The following EBF2 variants were observed in gnomAD, a reference collection of about 807,000 sequenced individuals.
EBF2 encodes EBF transcription factor 2.
EBF2 carries 21 observed loss-of-function variants against 72.8 expected under a neutral mutation model. The ratio of observed to expected loss-of-function variants is 0.29; its 90% CI spans 0.20 to 0.42. The LOEUF is 0.42. EBF2 is among the 10% of genes least tolerant of loss of function. The pLI is 1.00. For synonymous variants in EBF2, 299 were observed against 274.2 expected, an observed-to-expected ratio of 1.09 and a Z score of -0.89; for missense variants, 637 against 731.2, an observed-to-expected ratio of 0.87 and a Z score of 1.49.
intron 6 of EBF2, among the ~76,000 whole-genome samples, chr8:25,954,324 C>T (rs1019563180): frequency 5.3e-5 from 8 of 152,164 alleles, no homozygotes; most frequent in African/African-American, 9.6e-5. Flanking sequence ...CTTCCTGCTG[C>T]TAAATGCACC....
intron 6 of EBF2, among the ~76,000 whole-genome samples, chr8:25,926,270 A>G (rs1219666447): frequency 6.6e-6 from 1 of 152,122 alleles, no homozygotes; most frequent in Non-Finnish European, 1.5e-5. Context: ...TCTGGCCCTG[A>G]ATCCAAGGCA....
At chr8:25,972,787 T>C (rs1804210928) in intron 6 of EBF2, among the ~76,000 whole-genome samples, 1 of 151,244 alleles carries the variant, frequency 6.6e-6, no homozygotes, top group African/African-American at 2.4e-5. Flanking sequence ...TCACAGGCAA[T>C]ATAAGCCGTA....
At chr8:25,935,056 C>T (rs562370149) in intron 6 of EBF2, among the ~76,000 whole-genome samples, 6 of 152,270 alleles carry the variant, frequency 3.9e-5, no homozygotes, top group Non-Finnish European at 7.4e-5. Context: ...AGGATCCCAA[C>T]GCGACAACTA....
At chr8:25,856,040 A>G (rs995908754) in intron 14 of EBF2, among the ~76,000 whole-genome samples, 2 of 152,216 alleles carry the variant, frequency 1.3e-5, no homozygotes, top group African/African-American at 4.8e-5. Flanking sequence ...AAAGAACAGT[A>G]GAAGGAAGTC....
chr8:26,027,396 C>G (rs368206851), intron 6 of EBF2, among the ~76,000 whole-genome samples: 1 of 151,758 alleles, frequency 6.6e-6, no homozygotes, highest in Non-Finnish European at 1.5e-5. Context: ...AAAGGTGAAA[C>G]CAGCAGATGA....
chr8:25,850,880 TAA>T (rs913523397), intron 14 of EBF2, 119 bp from the exon 15 acceptor site: 158 of 956,966 alleles, frequency 1.7e-4, no homozygotes, highest in Non-Finnish European at 1.8e-4. Context: ...TTGCAGGGAT[TAA>T]AAAAAAAAAG....
At chr8:25,859,324 G>A (rs553368707) in intron 13 of EBF2, among the ~76,000 whole-genome samples, 8 of 152,262 alleles carry the variant, frequency 5.3e-5, no homozygotes, top group South Asian at 2.1e-4. Flanking sequence ...GGAGGGGAAC[G>A]GTATCTTCAC....
At chr8:25,873,407 A>G (rs922670156) in intron 10 of EBF2, among the ~76,000 whole-genome samples, 1 of 152,214 alleles carries the variant, frequency 6.6e-6, no homozygotes, top group Admixed American at 6.5e-5. Flanking sequence ...AGCTGAAGTC[A>G]AGGCTGTTGA....
At position 26,045,070 on chromosome 8, in the gene EBF2, T is replaced by A. The variant is rs771543244; in HGVS notation, c.-211A>T. The A allele has an allele frequency of 3.2e-5, 16 of 502,542 alleles. No individual in the cohort carries two copies. The highest frequency in any genetic ancestry group is 1.3e-4 in the Admixed American group (4 of 30,632). The allele number at this position is 502,542 out of a possible 1,614,324, so 31.1% of individuals were successfully genotyped here. A position where few individuals can be genotyped will look rare whatever the true frequency, so the allele number is the denominator to read the frequency against. On this transcript the variant is annotated 5_prime_UTR_variant, in exon 1 of 16. It adds an upstream start codon to the 5' untranslated region. Coordinates refer to ENST00000520164, the MANE Select transcript of EBF2 (RefSeq NM_022659.4). ...ACTGATGTAGTCAAAGTTTGGGTTC[T>A]TATCCTCCGCAAGTTCAGATCTGCC...
chr8:26,005,162 T>G (rs1054664328), intron 6 of EBF2, among the ~76,000 whole-genome samples: 1 of 134,086 alleles, frequency 7.5e-6, no homozygotes, highest in Admixed American at 9.1e-5. Flanking sequence ...TATGGAACAC[T>G]GCTAAGAAGT....
intron 7 of EBF2, among the ~76,000 whole-genome samples, chr8:25,906,087 T>C (rs1803026677): frequency 6.6e-6 from 1 of 152,142 alleles, no homozygotes; most frequent in African/African-American, 2.4e-5. Context: ...GTAGAGGAAA[T>C]ATTAGCATGC....
At chr8:25,966,992 G>C (rs1804125521) in intron 6 of EBF2, among the ~76,000 whole-genome samples, 1 of 152,194 alleles carries the variant, frequency 6.6e-6, no homozygotes, top group Non-Finnish European at 1.5e-5. Context: ...ACAATGCATA[G>C]AAGTAACCCT....
chr8:25,929,010 AC>A (rs1200396563), intron 6 of EBF2, among the ~76,000 whole-genome samples: 1 of 152,174 alleles, frequency 6.6e-6, no homozygotes, highest in Non-Finnish European at 1.5e-5. Flanking sequence ...ACACTCAATA[AC>A]CAGGAGTTGT....
intron 6 of EBF2, among the ~76,000 whole-genome samples, chr8:25,979,767 C>G (rs1047599239): frequency 6.6e-6 from 1 of 152,030 alleles, no homozygotes; most frequent in Non-Finnish European, 1.5e-5. Flanking sequence ...TTTTATTATA[C>G]GATGGGCCAT....
intron 14 of EBF2, among the ~76,000 whole-genome samples, chr8:25,856,351 T>C (rs1802091603): frequency 6.6e-6 from 1 of 152,222 alleles, no homozygotes; most frequent in Non-Finnish European, 1.5e-5. Context: ...TTTAGCCTAA[T>C]ATTACACTAT....
At chr8:26,005,440 A>ATT (rs1804847921) in intron 6 of EBF2, among the ~76,000 whole-genome samples, 1 of 3,716 alleles carries the variant, frequency 2.7e-4, no homozygotes, top group African/African-American at 9.8e-4. Flanking sequence ...TATATATTAT[A>ATT]TTATAAAATA....
At chr8:26,017,846 C>T (rs952255061) in intron 6 of EBF2, among the ~76,000 whole-genome samples, 12 of 152,148 alleles carry the variant, frequency 7.9e-5, no homozygotes, top group Non-Finnish European at 1.5e-4. Context: ...TTTCACTGTG[C>T]CACCTCTCGA....
chr8:25,998,701 T>G (rs945838075), intron 6 of EBF2, among the ~76,000 whole-genome samples: 15 of 152,200 alleles, frequency 9.9e-5, no homozygotes, highest in Non-Finnish European at 1.8e-4. Context: ...CAGCCTATTT[T>G]AAACTCAGAT....
intron 6 of EBF2, among the ~76,000 whole-genome samples, chr8:26,022,235 G>C (rs763077444): frequency 6.6e-6 from 1 of 152,148 alleles, no homozygotes; most frequent in African/African-American, 2.4e-5. Context: ...CTGAGTCTTT[G>C]GCCAGCTACA....
Sources: allele counts gnomAD v4.1 joint callset (sites outside exome capture counted in the v4.1 genomes callset), GRCh38; gene constraint gnomAD v4.1.1; transcripts MANE v1.5; gene names NCBI Gene and HGNC (gene_info 2026-07-23, HGNC 2026-07-21).